WLS: variants seen among roughly 807,000 people sequenced by gnomAD.
WLS encodes Wnt ligand secretion mediator.
Under a neutral mutation model 62.8 loss-of-function variants are expected in WLS, and 23 were observed. The observed-to-expected ratio is 0.37, with a 90% CI of 0.26 to 0.52. WLS has a LOEUF of 0.52. Ranked by LOEUF, WLS falls within the 20% of genes least tolerant of loss-of-function variation. The probability of loss-of-function intolerance (pLI) is 0.92; values close to 1 mark genes in which losing one functional copy is unlikely to be tolerated. For synonymous variants in WLS, 246 were observed against 244.1 expected, an observed-to-expected ratio of 1.01 and a Z score of -0.07; for missense variants, 615 against 697.3, an observed-to-expected ratio of 0.88 and a Z score of 1.33.
At chr1:68,105,030 G>A (rs113974751) in intron 11 of WLS, among the ~76,000 whole-genome samples, 2,944 of 152,314 alleles carry the variant, frequency 0.019, 87 homozygotes, top group African/African-American at 0.067. Context: ...CATAGTTGAT[G>A]TATCTATGTG....
chr1:68,157,508 C>CA (rs1451323058), intron 3 of WLS, among the ~76,000 whole-genome samples: 1 of 151,968 alleles, frequency 6.6e-6, no homozygotes, highest in Non-Finnish European at 1.5e-5. Flanking sequence ...TCCTTTGCCC[C>CA]ACCCCCAGTT....
chr1:68,188,412 T>C (rs1443067132), intron 2 of WLS, among the ~76,000 whole-genome samples: 2 of 152,218 alleles, frequency 1.3e-5, no homozygotes, highest in Non-Finnish European at 2.9e-5. Context: ...GTGGATTTCA[T>C]AAATGTAAAT....
chr1:68,157,864 G>A (rs1282889255), intron 3 of WLS, among the ~76,000 whole-genome samples: 1 of 152,104 alleles, frequency 6.6e-6, no homozygotes, highest in Non-Finnish European at 1.5e-5. Context: ...CTTTTCTATG[G>A]ATAAAATTCT....
chr1:68,106,726 G>GTATGTA (rs201250200), intron 11 of WLS, among the ~76,000 whole-genome samples: 31 of 79,052 alleles, frequency 3.9e-4, no homozygotes, highest in African/African-American at 1.3e-3. Context: ...CTGTGTGTGT[G>GTATGTA]TGTGTGTGTG....
chr1:68,194,739 T>C (rs1648569354), intron 1 of WLS, among the ~76,000 whole-genome samples: 1 of 152,206 alleles, frequency 6.6e-6, no homozygotes, highest in Non-Finnish European at 1.5e-5. Flanking sequence ...CTTTTGGCTC[T>C]AAAATTGTAC....
At chr1:68,144,448 A>G in intron 10 of WLS, 121 bp downstream of exon 10, 6 of 878,386 alleles carry the variant, frequency 6.8e-6, no homozygotes, top group Middle Eastern at 3.0e-4. Context: ...ATATGGCTTG[A>G]CCAGCTGTCC....
At chr1:68,180,540 C>T (rs909767716) in intron 2 of WLS, among the ~76,000 whole-genome samples, 2 of 152,150 alleles carry the variant, frequency 1.3e-5, no homozygotes, top group African/African-American at 2.4e-5. Flanking sequence ...TTCCCATTAT[C>T]TCAAGTAGCA....
At chr1:68,102,890 T>C (rs1318688464) in intron 11 of WLS, among the ~76,000 whole-genome samples, 1 of 152,192 alleles carries the variant, frequency 6.6e-6, no homozygotes, top group African/African-American at 2.4e-5. Context: ...CTTGGCTTTG[T>C]CCAAGTAGAC....
At chr1:68,139,746 G>A (rs189095219) in intron 10 of WLS, among the ~76,000 whole-genome samples, 11 of 152,350 alleles carry the variant, frequency 7.2e-5, no homozygotes, top group East Asian at 1.9e-4. Flanking sequence ...AGTGGTGCTC[G>A]ATAGACATAT....
downstream of WLS, among the ~76,000 whole-genome samples, chr1:68,124,222 T>C (rs910920301): frequency 1.3e-5 from 2 of 152,190 alleles, no homozygotes; most frequent in African/African-American, 2.4e-5. Flanking sequence ...TCTGGGCTTG[T>C]CCAGCCTCTC....
chr1:68,110,657 GTCTCTCTCTCTCTC>G (rs55965951), intron 11 of WLS, among the ~76,000 whole-genome samples: 15 of 113,970 alleles, frequency 1.3e-4, no homozygotes, highest in African/African-American at 2.6e-4. Flanking sequence ...AAAAATCTCT[GTCTCTCTCTCTCTC>G]TCTCTCTCTC....
intron 11 of WLS, among the ~76,000 whole-genome samples, chr1:68,102,312 T>G (rs75170441): frequency 0.012 from 1,886 of 152,278 alleles, 30 homozygotes; most frequent in South Asian, 0.036. Context: ...TGGAGAAGGG[T>G]CCTAAACAGC....
chr1:68,170,183 G>A (rs1318036666), intron 2 of WLS, among the ~76,000 whole-genome samples: 2 of 19,620 alleles, frequency 1.0e-4, no homozygotes, highest in Admixed American at 8.3e-4. Context: ...TTTTTTTTTT[G>A]AGATGGAGTT....
rs536182857 is a variant in WLS, at chr1:68,229,187, G to A, written c.106+3007C>T. Among the ~76,000 whole-genome samples, 12 of 152,170 alleles carry A rather than the reference G, an allele frequency of 7.9e-5. No homozygotes were observed. The East Asian group carries it at 2.1e-3, about 27-fold the overall frequency. ...CTTGCCTGGTCACTCTGGGGTTCACGGATTGTTATTGTTTGGTGGGGTGGT... is the reference window on the plus strand; with the variant it reads ...CTTGCCTGGTCACTCTGGGGTTCACAGATTGTTATTGTTTGGTGGGGTGGT... On this transcript the variant is annotated intron_variant, in intron 1 of 11. Transcript: ENST00000262348.
At chr1:68,129,310 G>A (rs1646483053) in intron 11 of WLS, among the ~76,000 whole-genome samples, 2 of 134,718 alleles carry the variant, frequency 1.5e-5, no homozygotes, top group Admixed American at 1.6e-4. Context: ...GGGTGAGAGA[G>A]TGTCTCAAAA....
chr1:68,220,163 G>T (rs1049962774), intron 1 of WLS, among the ~76,000 whole-genome samples: 1 of 152,166 alleles, frequency 6.6e-6, no homozygotes, highest in African/African-American at 2.4e-5. Flanking sequence ...ATATATGAAT[G>T]ACCTGCTTAT....
chr1:68,155,249 A>G lies in WLS; in HGVS notation c.516T>C (p.His172=). The G allele has an allele frequency of 6.2e-7, 1 of 1,613,170 alleles. No homozygotes were observed. Among genetic ancestry groups the G allele is most frequent in the Non-Finnish European group, 8.5e-7 (1 of 1,179,558 alleles). The stretch of plus-strand genomic sequence containing the variant: ...CATCACATTCATAGTAACGGCCCTC[A>G]TGCTCTGGAGTCTGGAAAAAGAGCA... The part of the protein sequence containing the change: ...CTFTSPKTPE[H]EGRYYECDVL... Residue 172 remains histidine, a synonymous_variant, in exon 4 of 12, where the codon CAT becomes CAC. Transcript: ENST00000262348.
chr1:68,229,970 C>G (rs879771186), intron 1 of WLS, among the ~76,000 whole-genome samples: 1 of 152,206 alleles, frequency 6.6e-6, no homozygotes, highest in Non-Finnish European at 1.5e-5. Flanking sequence ...TCGTCATTAA[C>G]CAAATTCTTC....
At position 68,194,001 on chromosome 1, in the gene WLS, C is replaced by T. The variant is rs556898511; in HGVS notation, c.333G>A (p.Leu111=). The change falls in exon 2 of 12, where the codon CTG becomes CTA. Residue 111 remains leucine, a synonymous_variant. Transcript: ENST00000262348. The part of the protein sequence containing the change: ...MEMSPWFQFM[L]FILQLDIAFK... The stretch of plus-strand genomic sequence containing the variant: ...AGGCAATGTCCAGCTGCAGGATAAA[C>T]AGCATGAATTGGAACCAAGGACTCA... 3 of 1,614,168 alleles carry T rather than the reference C, an allele frequency of 1.9e-6. No homozygotes were observed. Among genetic ancestry groups the T allele is most frequent in the South Asian group, 2.2e-5 (2 of 91,080 alleles).
Sources: allele counts gnomAD v4.1 joint callset (sites outside exome capture counted in the v4.1 genomes callset), GRCh38; gene constraint gnomAD v4.1.1; transcripts MANE v1.5; gene names NCBI Gene and HGNC (gene_info 2026-07-23, HGNC 2026-07-21).